Variants in ANK2 observed in about 807,000 individuals in gnomAD.
The protein encoded by ANK2 is ankyrin-2.
ANK2 carries 83 observed loss-of-function variants against 360.5 expected under a neutral mutation model. The observed-to-expected ratio is 0.23, with a 90% CI of 0.19 to 0.28. The LOEUF is 0.28. ANK2 is among the 10% of genes least tolerant of loss of function. The probability of loss-of-function intolerance (pLI) is 1.00; values close to 1 mark genes in which losing one functional copy is unlikely to be tolerated. For synonymous variants in ANK2, 1,740 were observed against 1,759.5 expected, an observed-to-expected ratio of 0.99 and a Z score of 0.28; for missense variants, 4,201 against 4,795.7, an observed-to-expected ratio of 0.88 and a Z score of 3.66.
intron 13 of ANK2, among the ~76,000 whole-genome samples, chr4:113,263,113 G>A (rs943606108): frequency 1.1e-4 from 16 of 150,548 alleles, no homozygotes; most frequent in Middle Eastern, 3.4e-3. Context: ...TATTGAACCC[G>A]GGAGGCTGAG....
the ANK2 span, among the ~76,000 whole-genome samples, chr4:112,736,273 G>A: frequency 6.6e-6 from 1 of 151,960 alleles, no homozygotes. Flanking sequence ...GACCAGCCTG[G>A]GCAACACGGT....
chr4:112,826,982 T>G, intron 1 of ANK2: 1 of 1,530,284 alleles, frequency 6.5e-7, no homozygotes, highest in East Asian at 2.2e-5. Context: ...ATGAACCATT[T>G]CTTTTTATTG....
the ANK2 span, among the ~76,000 whole-genome samples, chr4:112,785,987 C>T: frequency 6.6e-6 from 1 of 151,898 alleles, no homozygotes; most frequent in Admixed American, 6.6e-5. Context: ...ATTACAGGCA[C>T]GTGCCACTAT....
intron 2 of ANK2, among the ~76,000 whole-genome samples, chr4:112,968,621 T>A (rs985707484): frequency 6.6e-6 from 1 of 152,168 alleles, no homozygotes; most frequent in African/African-American, 2.4e-5. Context: ...TTTTCCCACA[T>A]TGTGACTGCT....
chr4:113,096,982 T>C (rs1581452233), intron 1 of ANK2, among the ~76,000 whole-genome samples: 1 of 151,442 alleles, frequency 6.6e-6, no homozygotes, highest in Non-Finnish European at 1.5e-5. Flanking sequence ...TATTAATTGC[T>C]TCCAAAGCCA....
upstream of ANK2, among the ~76,000 whole-genome samples, chr4:112,814,576 T>C (rs2055511325): frequency 6.6e-6 from 1 of 152,076 alleles, no homozygotes; most frequent in Non-Finnish European, 1.5e-5. Flanking sequence ...GCCTCCTGAG[T>C]AGCTGGGACT....
chr4:113,372,671 A>AGGACAGGAC (rs2096781688), intron 43 of ANK2: 1 of 1,319,552 alleles, frequency 7.6e-7, no homozygotes, highest in Non-Finnish European at 1.1e-6. Flanking sequence ...TCCTGTCCCC[A>AGGACAGGAC]TATTCTAAGA....
At chr4:113,349,578 T>G (rs1220573831) in intron 36 of ANK2, among the ~76,000 whole-genome samples, 1 of 152,076 alleles carries the variant, frequency 6.6e-6, no homozygotes, top group Non-Finnish European at 1.5e-5. Context: ...AAGACTGAAG[T>G]CATTCTTTCC....
chr4:113,296,310 A>G (rs2071400378), intron 22 of ANK2, among the ~76,000 whole-genome samples: 1 of 152,194 alleles, frequency 6.6e-6, no homozygotes, highest in African/African-American at 2.4e-5. Context: ...AAATAATTTG[A>G]AACTACTGAT....
chr4:112,706,486 ACT>A, the ANK2 span, among the ~76,000 whole-genome samples: 2 of 152,096 alleles, frequency 1.3e-5, no homozygotes, highest in South Asian at 4.2e-4. Context: ...ACGCACGCAC[ACT>A]CACACACACG....
rs187106111 is a variant in ANK2, at chr4:112,876,409, T to C, written c.-39-28046T>C. On this transcript the variant is annotated intron_variant, in intron 1 of 30. Coordinates refer to the ANK2 transcript ENST00000503271. ...ACACTCAAAATAGGATAAATTAGGG[T>C]GTTTTTATTTATGTAGGAAGTATTT... Among the ~76,000 whole-genome samples the C allele has an allele frequency of 1.6e-3, 251 of 152,160 alleles. 1 individual carries two copies. The highest frequency in any genetic ancestry group is 5.1e-3 in the Admixed American group (78 of 15,284).
At chr4:112,975,941 TACTC>T (rs926649474) in intron 2 of ANK2, among the ~76,000 whole-genome samples, 33 of 152,336 alleles carry the variant, frequency 2.2e-4, no homozygotes, top group Non-Finnish European at 3.4e-4. Flanking sequence ...AATTTGTTCT[TACTC>T]AGAAAGCCTC....
the ANK2 span, among the ~76,000 whole-genome samples, chr4:112,782,714 C>T: frequency 6.6e-6 from 1 of 151,448 alleles, no homozygotes. Flanking sequence ...ACCAAAAATA[C>T]AAAAATTAGC....
intron 24 of ANK2, among the ~76,000 whole-genome samples, chr4:113,312,040 A>C (rs562350521): frequency 6.6e-6 from 1 of 152,308 alleles, no homozygotes; most frequent in South Asian, 2.1e-4. Context: ...GTTATTATTA[A>C]CTAGTACAAC....
At chr4:113,231,059 TC>T in intron 4 of ANK2, among the ~76,000 whole-genome samples, 1 of 151,272 alleles carries the variant, frequency 6.6e-6, no homozygotes, top group African/African-American at 2.4e-5. Flanking sequence ...TTTTTTTTTT[TC>T]TTTTTTTTTG....
At chr4:112,747,195 GGAAATTCTTTTGTGTCTTT>G in the ANK2 span, among the ~76,000 whole-genome samples, 2 of 152,158 alleles carry the variant, frequency 1.3e-5, no homozygotes, top group African/African-American at 4.8e-5. Flanking sequence ...TTTCAAAGTG[GGAAATTCTTTTGTGTCTTT>G]GAAACCAGGC....
intron 1 of ANK2, among the ~76,000 whole-genome samples, chr4:112,867,724 TGTA>T (rs2150205227): frequency 6.6e-6 from 1 of 152,180 alleles, no homozygotes; most frequent in East Asian, 1.9e-4. Context: ...CATGTTGTCA[TGTA>T]TTATTATTTC....
rs147514894 is a variant in ANK2 at position 112,893,680 on chromosome 4, C to T, written c.-39-10775C>T. Among the ~76,000 whole-genome samples, 19 of 152,202 alleles carry T rather than the reference C, an allele frequency of 1.2e-4. No individual in the cohort carries two copies. The East Asian group carries it at 3.3e-3, about 26-fold the overall frequency. On this transcript the variant is annotated intron_variant, in intron 1 of 30. Transcript: ENST00000503271. Reference sequence around the variant, plus strand: ...CCTTTTTAGAGATGGGGGAAACCTCCACAGAGATATAGTTACTTACTCAAG... The same window carrying T: ...CCTTTTTAGAGATGGGGGAAACCTCTACAGAGATATAGTTACTTACTCAAG...
intron 2 of ANK2, among the ~76,000 whole-genome samples, chr4:113,186,407 TC>T (rs2098524283): frequency 6.6e-6 from 1 of 151,720 alleles, no homozygotes; most frequent in Non-Finnish European, 1.5e-5. Context: ...GTCAGCAACA[TC>T]AAAGACCAAA....
Sources: gnomAD v4.1 joint callset for allele counts (sites outside exome capture counted in the v4.1 genomes callset) on GRCh38, gnomAD v4.1.1 for gene constraint, MANE v1.5 for transcripts, NCBI Gene and HGNC (gene_info 2026-07-23, HGNC 2026-07-21) for gene names.